The following SLC4A7 variants were observed in gnomAD, a reference collection of about 807,000 sequenced individuals.
The protein encoded by SLC4A7 is sodium bicarbonate cotransporter 3.
In SLC4A7, 51 loss-of-function variants were observed where a neutral mutation model predicts 137.6. The ratio of observed to expected loss-of-function variants is 0.37; its 90% CI spans 0.30 to 0.47. The LOEUF is 0.47. Among genes scored for constraint, SLC4A7 ranks in the 20% least tolerant of loss-of-function variants. SLC4A7 has a pLI of 1.00. For missense variants in SLC4A7, 1,247 were observed against 1,525.4 expected (o/e 0.82, Z 3.04); for synonymous variants, 542 against 518.6 (o/e 1.05, Z -0.61).
chr3:27,409,792 G>A (rs1485286214), intron 12 of SLC4A7, among the ~76,000 whole-genome samples: 1 of 152,126 alleles, frequency 6.6e-6, no homozygotes, highest in African/African-American at 2.4e-5. Flanking sequence ...GATTTTATAT[G>A]AGTAAATGTA....
intron 2 of SLC4A7, among the ~76,000 whole-genome samples, chr3:27,449,431 A>T (rs1433259781): frequency 1.3e-5 from 2 of 150,692 alleles, no homozygotes; most frequent in African/African-American, 4.8e-5. Context: ...TTATTTACTA[A>T]TTTTTGAGTT....
At chr3:27,470,329 T>C (rs2059185034) in intron 1 of SLC4A7, among the ~76,000 whole-genome samples, 1 of 151,978 alleles carries the variant, frequency 6.6e-6, no homozygotes, top group African/African-American at 2.4e-5. Context: ...TCATTACACC[T>C]CAATTTATTA....
In SLC4A7 at chr3:27,484,117, C is replaced by G; in HGVS notation, c.10G>C (p.Asp4His). The G allele has an allele frequency of 7.2e-7, 1 of 1,391,930 alleles. No homozygotes were observed. Among genetic ancestry groups the G allele is most frequent in the Non-Finnish European group, 9.4e-7 (1 of 1,067,866 alleles). The allele number at this position is 1,391,930 out of a possible 1,614,324, so 86.2% of individuals were successfully genotyped here. Residue 4 changes from aspartate (D) to histidine (H), a missense_variant, in exon 1 of 26, where the codon GAT becomes CAT. This residue lies in a region of SLC4A7 where 176 missense variants were observed against 186.4 expected (regional missense o/e 0.94). Coordinates refer to ENST00000454389, the MANE Select transcript of SLC4A7 (RefSeq NM_001321103.2). MEA[D>H]GAGEQMRPLL... ...GGTCTCATCTGCTCGCCGGCCCCAT[C>G]AGCCTCCATGGCCGGCCGGCCAGCC...
chr3:27,404,390 T>A (rs1252921437), intron 14 of SLC4A7, among the ~76,000 whole-genome samples: 1 of 152,044 alleles, frequency 6.6e-6, no homozygotes, highest in Non-Finnish European at 1.5e-5. Context: ...CATAAATAAA[T>A]AAAATAAGGA....
chr3:27,391,112 G>A (rs933292307), intron 21 of SLC4A7, among the ~76,000 whole-genome samples: 1 of 152,122 alleles, frequency 6.6e-6, no homozygotes, highest in African/African-American at 2.4e-5. Context: ...CATGAGTAAT[G>A]ATAGCCAGCC....
intron 4 of SLC4A7, 23 bp downstream of exon 4, chr3:27,437,364 GA>G: frequency 7.2e-7 from 1 of 1,397,654 alleles, no homozygotes; most frequent in Non-Finnish European, 9.6e-7. Flanking sequence ...AAAAAAAAAA[GA>G]GAGAGAGACT....
At chr3:27,463,477 T>C (rs375352142) in intron 1 of SLC4A7, among the ~76,000 whole-genome samples, 17 of 151,698 alleles carry the variant, frequency 1.1e-4, no homozygotes, top group African/African-American at 2.9e-4. Context: ...GTGGTGGCGG[T>C]TGCAGTCAGC....
At chr3:27,383,466 T>C (rs1033494054) in intron 23 of SLC4A7, among the ~76,000 whole-genome samples, 1 of 152,204 alleles carries the variant, frequency 6.6e-6, no homozygotes, top group Non-Finnish European at 1.5e-5. Context: ...CATTTCTTTA[T>C]GTAAATCACT....
At chr3:27,427,479 T>C (rs2055764963) in intron 7 of SLC4A7, among the ~76,000 whole-genome samples, 1 of 152,064 alleles carries the variant, frequency 6.6e-6, no homozygotes, top group Non-Finnish European at 1.5e-5. Flanking sequence ...TTTATAATTT[T>C]ATACATATAA....
intron 3 of SLC4A7, among the ~76,000 whole-genome samples, chr3:27,444,223 T>C (rs2057424076): frequency 6.6e-6 from 1 of 152,186 alleles, no homozygotes; most frequent in Non-Finnish European, 1.5e-5. Flanking sequence ...ATTCTGCACC[T>C]GTTGTTATAT....
chr3:27,463,850 G>A (rs955615295), intron 1 of SLC4A7, among the ~76,000 whole-genome samples: 2 of 152,150 alleles, frequency 1.3e-5, no homozygotes, highest in African/African-American at 2.4e-5. Flanking sequence ...CGCCGGCTAA[G>A]TTCATAACCC....
In SLC4A7 at chr3:27,386,034, T is replaced by G; in HGVS notation, c.3361-11A>C. The G allele has an allele frequency of 6.3e-7, 1 of 1,586,346 alleles. No individual in the cohort carries two copies. The highest frequency in any genetic ancestry group is 8.5e-7 in the Non-Finnish European group (1 of 1,169,642). ...CACTAATGCAAGAACCTTTAAAAAG[T>G]GGGGAAGGAAATATTAAGTAACACA... On this transcript the variant is annotated splice_polypyrimidine_tract_variant and intron_variant, in intron 22 of 25. Transcript: ENST00000454389.
rs763547331 is a variant in SLC4A7 at position 27,385,916 on chromosome 3, A to G, written c.3468T>C (p.Asp1156=). 27 of 1,566,114 alleles carry G rather than the reference A, an allele frequency of 1.7e-5. No individual in the cohort carries two copies. Among genetic ancestry groups the G allele is most frequent in the Non-Finnish European group, 2.4e-5 (27 of 1,145,392 alleles). ...CCTCTTTCTCTTTTTTCTTTTTGTC[A>G]TCTTCTTTCTTTTTCTTACTTTCTG... ...LMPESKKKKE[D]DKKKKEKEEA... is the part of the protein sequence containing the mutation. The change falls in exon 23 of 26, where the codon GAT becomes GAC. Residue 1156 remains aspartate, a synonymous_variant. Transcript: ENST00000454389.
chr3:27,385,150 T>G (rs1224066326), intron 23 of SLC4A7, among the ~76,000 whole-genome samples: 1 of 152,194 alleles, frequency 6.6e-6, no homozygotes, highest in Non-Finnish European at 1.5e-5. Context: ...TAAAAATATG[T>G]GTCTTTCTTA....
intron 5 of SLC4A7, among the ~76,000 whole-genome samples, chr3:27,434,863 G>C (rs563284125): frequency 1.9e-3 from 296 of 152,066 alleles, no homozygotes; most frequent in African/African-American, 7.0e-3. Flanking sequence ...CAGCCTAATA[G>C]GTAAACTGTT....
Position 27,403,236 on chromosome 3 carries a change from T to C in SLC4A7, c.2224A>G (p.Ile742Val). The C allele has an allele frequency of 6.2e-7, 1 of 1,614,030 alleles. No individual in the cohort carries two copies. Among genetic ancestry groups the C allele is most frequent in the Non-Finnish European group, 8.5e-7 (1 of 1,179,962 alleles). The part of the protein sequence containing the change: ...TEEAFAALIC[I>V]IFIYEALEKL... ...TCCAAAGCCTCGTAGATGAATATGA[T>C]GCAAATAAGGGCTGCAAAAGCCTCT... The change falls in exon 15 of 26, where the codon ATC (isoleucine) becomes GTC (valine). Residue 742 changes from isoleucine (I) to valine (V), a missense_variant. Coordinates refer to ENST00000454389, the MANE Select transcript of SLC4A7 (RefSeq NM_001321103.2).
At chr3:27,478,860 G>C (rs902119362) in intron 1 of SLC4A7, among the ~76,000 whole-genome samples, 48 of 151,064 alleles carry the variant, frequency 3.2e-4, no homozygotes, top group African/African-American at 1.1e-3. Flanking sequence ...AGAGAGAGAG[G>C]GGGGCGTGGT....
chr3:27,411,962 A>C (rs1257696795), intron 11 of SLC4A7, among the ~76,000 whole-genome samples: 1 of 152,180 alleles, frequency 6.6e-6, no homozygotes, highest in African/African-American at 2.4e-5. Flanking sequence ...TTAAATTTGC[A>C]ATTAGCTTTT....
At chr3:27,451,714 T>C (rs1434769158) in intron 2 of SLC4A7, among the ~76,000 whole-genome samples, 2 of 152,122 alleles carry the variant, frequency 1.3e-5, no homozygotes. Context: ...GAAAAACTAG[T>C]GAAGCCTAAA....
Sources: gnomAD v4.1 joint callset for allele counts (sites outside exome capture counted in the v4.1 genomes callset) on GRCh38, gnomAD v4.1.1 for gene constraint, gnomAD v4.1.1 regional missense constraint, MANE v1.5 for transcripts, NCBI Gene and HGNC (gene_info 2026-07-23, HGNC 2026-07-21) for gene names.